The following VPS41 variants were observed in gnomAD, a reference collection of about 807,000 sequenced individuals.
VPS41 encodes VPS41 subunit of HOPS complex, also known as vacuolar protein sorting-associated protein 41 homolog.
In VPS41, 85 loss-of-function variants were observed where a neutral mutation model predicts 130.9. The ratio of observed to expected loss-of-function variants is 0.65; its 90% CI spans 0.55 to 0.78. The LOEUF is 0.78. Ranked by LOEUF, VPS41 falls within the 30% of genes least tolerant of loss-of-function variation. The pLI, the probability that VPS41 is intolerant of heterozygous loss-of-function variation, is 0.00. For missense variants in VPS41, 874 were observed against 1,018.7 expected, an observed-to-expected ratio of 0.86 and a Z score of 1.93; for synonymous variants, 335 against 332.9, an observed-to-expected ratio of 1.01 and a Z score of -0.07.
chr7:38,794,365 C>A (rs866725435), intron 9 of VPS41, among the ~76,000 whole-genome samples: 1 of 152,146 alleles, frequency 6.6e-6, no homozygotes, highest in South Asian at 2.1e-4. Context: ...AACATGAGGG[C>A]TGGGAGGGCC....
chr7:38,883,462 C>T (rs1231219744), intron 2 of VPS41, among the ~76,000 whole-genome samples: 1 of 152,150 alleles, frequency 6.6e-6, no homozygotes, highest in Non-Finnish European at 1.5e-5. Context: ...TCAAATGTCA[C>T]CTGAACAGAC....
chr7:38,769,580 G>A (rs566640743), intron 14 of VPS41, among the ~76,000 whole-genome samples: 2 of 152,072 alleles, frequency 1.3e-5, no homozygotes, highest in South Asian at 4.1e-4. Flanking sequence ...TCCTTCCACA[G>A]GGTATCTCTA....
chr7:38,879,239 G>A (rs552464779), intron 2 of VPS41, among the ~76,000 whole-genome samples: 10 of 152,276 alleles, frequency 6.6e-5, no homozygotes, highest in African/African-American at 1.4e-4. Flanking sequence ...TAGATCCAGC[G>A]TTGACCTCTC....
At position 38,764,484 on chromosome 7, in the gene VPS41, G is replaced by A. The variant is rs1783989908; in HGVS notation, c.1330-937C>T. The stretch of plus-strand genomic sequence containing the variant: ...AGCAACAGGTATTAGGGAAGTGAGA[G>A]TCCAGACTTATTTTTTATGCAGATA... On this transcript the variant is annotated intron_variant, in intron 16 of 28. Transcript: ENST00000310301. Among the ~76,000 whole-genome samples, 3 of 152,042 alleles carry A rather than the reference G, an allele frequency of 2.0e-5. No individual in the cohort carries two copies. In the South Asian group the frequency reaches 6.2e-4, roughly 32 times the overall value.
chr7:38,821,460 T>TTC (rs1258965977), intron 5 of VPS41, among the ~76,000 whole-genome samples, 195 bp from the exon 6 acceptor site: 2 of 152,172 alleles, frequency 1.3e-5, no homozygotes, highest in African/African-American at 4.8e-5. Context: ...CCCAGCACTT[T>TTC]GAGAGGCAGA....
At chr7:38,871,513 T>G (rs1212040204) in intron 2 of VPS41, among the ~76,000 whole-genome samples, 2 of 152,232 alleles carry the variant, frequency 1.3e-5, no homozygotes, top group South Asian at 2.1e-4. Context: ...ATAATTATCC[T>G]GTTTTACAGA....
rs372407736 is a variant in VPS41 at position 38,813,332 on chromosome 7, T to C, written c.450+4485A>G. 5.5e-4 allele frequency among the ~76,000 whole-genome samples: 84 copies of C among 151,728 alleles called. 1 individual carries two copies. The highest frequency in any genetic ancestry group is 1.8e-3 in the African/African-American group (75 of 41,350). The stretch of plus-strand genomic sequence containing the variant: ...TAGGAAAACTTATAGAGAAAGAAAA[T>C]AGATTAGTGGTTGCCTAGGGATGAG... On this transcript the variant is annotated intron_variant, in intron 7 of 28. Coordinates refer to ENST00000310301, the MANE Select transcript of VPS41 (RefSeq NM_014396.4).
At chr7:38,755,350 T>G (rs946866362) in intron 19 of VPS41, among the ~76,000 whole-genome samples, 5 of 152,150 alleles carry the variant, frequency 3.3e-5, no homozygotes, top group African/African-American at 1.2e-4. Context: ...CGACCTAGTC[T>G]CCCTATGAGA....
Position 38,742,008 on chromosome 7 carries a change from T to C in VPS41, c.2236A>G (p.Ile746Val). Reference protein sequence around the residue: ...IPNLRDSLVKILQDYNLQILL... With the variant: ...IPNLRDSLVKVLQDYNLQILL... ...ACTTGCAAATTGTAGTCTTGCAGAATTTTAACCAAGGAATCTCTCAAATTG... is the reference window on the plus strand; with the variant it reads ...ACTTGCAAATTGTAGTCTTGCAGAACTTTAACCAAGGAATCTCTCAAATTG... Residue 746 changes from isoleucine (I) to valine (V), a missense_variant, in exon 25 of 29, where the codon ATT becomes GTT. Transcript: ENST00000310301. 1 of 1,613,190 alleles carries C rather than the reference T, an allele frequency of 6.2e-7. No homozygotes were observed. Among genetic ancestry groups the C allele is most frequent in the Non-Finnish European group, 8.5e-7 (1 of 1,179,652 alleles).
chr7:38,775,806 C>T lies in VPS41; in HGVS notation c.882+873G>A, dbSNP rs184773457. 5 of 151,722 alleles carry T rather than the reference C, an allele frequency of 3.3e-5. No homozygotes were observed. In the East Asian group the frequency reaches 9.7e-4, roughly 29 times the overall value. 9.4% of individuals were successfully genotyped at this position (151,722 alleles called of 1,614,324 possible). On this transcript the variant is annotated intron_variant, in intron 11 of 28. Transcript: ENST00000310301. ...CCAGGGCTCCCAGGGTTTTTCTCCC[C>T]CATTTTATTTCTTGCCATTTAAAAA...
intron 25 of VPS41, among the ~76,000 whole-genome samples, chr7:38,729,987 G>A (rs1258669004): frequency 6.6e-6 from 1 of 152,162 alleles, no homozygotes; most frequent in Non-Finnish European, 1.5e-5. Context: ...AAGGCCTGAA[G>A]GACAGAGACG....
intron 6 of VPS41, among the ~76,000 whole-genome samples, chr7:38,819,249 C>T (rs568701986): frequency 6.6e-6 from 1 of 152,360 alleles, no homozygotes; most frequent in East Asian, 1.9e-4. Context: ...TTCCTTCATG[C>T]CTGTTTCACA....
At chr7:38,790,546 C>T (rs1320041098) in intron 9 of VPS41, among the ~76,000 whole-genome samples, 2 of 152,036 alleles carry the variant, frequency 1.3e-5, no homozygotes, top group Non-Finnish European at 2.9e-5. Context: ...CTTGACCTTG[C>T]TGTACACCAA....
chr7:38,774,023 G>T, intron 12 of VPS41, 92 bp downstream of exon 12: 3 of 1,268,168 alleles, frequency 2.4e-6, no homozygotes, highest in South Asian at 1.6e-5. Flanking sequence ...GATTCTTTCA[G>T]CACCTTAATT....
intron 3 of VPS41, among the ~76,000 whole-genome samples, chr7:38,868,605 C>T (rs1346303552): frequency 6.6e-6 from 1 of 152,254 alleles, no homozygotes; most frequent in African/African-American, 2.4e-5. Flanking sequence ...CTATCTAGTA[C>T]TTACCCTGGA....
chr7:38,857,074 T>TA (rs1270154724), intron 4 of VPS41, among the ~76,000 whole-genome samples: 2 of 152,198 alleles, frequency 1.3e-5, no homozygotes, highest in African/African-American at 4.8e-5. Flanking sequence ...TCTGGGTTTT[T>TA]ATCAGCACAT....
chr7:38,898,272 T>G, intron 1 of VPS41, 143 bp from the exon 2 acceptor site: 1 of 624,916 alleles, frequency 1.6e-6, no homozygotes. Context: ...GAGGACCACA[T>G]GCTCTGACTT....
chr7:38,729,149 T>C (rs1795608373), intron 25 of VPS41, among the ~76,000 whole-genome samples: 1 of 152,230 alleles, frequency 6.6e-6, no homozygotes, highest in Non-Finnish European at 1.5e-5. Flanking sequence ...TTGGGCAGAC[T>C]TTGGCTCCTA....
intron 10 of VPS41, among the ~76,000 whole-genome samples, chr7:38,782,883 G>A (rs563037216): frequency 3.9e-5 from 6 of 152,084 alleles, no homozygotes; most frequent in South Asian, 2.1e-4. Flanking sequence ...TTGGGAGGCC[G>A]AGGTGGACGG....
Sources: allele counts gnomAD v4.1 joint callset (sites outside exome capture counted in the v4.1 genomes callset), GRCh38; gene constraint gnomAD v4.1.1; transcripts MANE v1.5; gene names NCBI Gene and HGNC (gene_info 2026-07-23, HGNC 2026-07-21).